Variants in GRID2 observed in about 807,000 individuals in gnomAD.
The protein encoded by GRID2 is glutamate ionotropic receptor delta type subunit 2.
In GRID2, 33 loss-of-function variants were observed where a neutral mutation model predicts 114.8. That is an observed-to-expected ratio of 0.29 (90% confidence interval 0.22 to 0.38). The LOEUF (loss-of-function observed/expected upper bound fraction) is 0.38. Ranked by LOEUF, GRID2 falls within the 10% of genes least tolerant of loss-of-function variation. The pLI is 1.00. For missense variants in GRID2, 1,184 were observed against 1,257.7 expected (o/e 0.94, Z 0.89); for synonymous variants, 505 against 449.9 (o/e 1.12, Z -1.55).
In GRID2 at chr4:93,014,483, G is replaced by T. The variant is rs552980294; in HGVS notation, c.245-70512G>T. Among the ~76,000 whole-genome samples the T allele has an allele frequency of 2.0e-4, 30 of 152,158 alleles. No homozygotes were observed. In the South Asian group the frequency reaches 2.3e-3, roughly 12 times the overall value. On this transcript the variant is annotated intron_variant, in intron 2 of 15. Transcript: ENST00000282020. ...GAACCAGGGTGGTAAATTGAGGCTG[G>T]TATATGAAGAATTATTACATAGAGA...
chr4:92,330,023 G>GAGAGAGAGAGAGAGAGAGAA (rs1726800264), intron 1 of GRID2, among the ~76,000 whole-genome samples: 1 of 150,012 alleles, frequency 6.7e-6, no homozygotes, highest in Non-Finnish European at 1.5e-5. Flanking sequence ...GAGAGAGAGA[G>GAGAGAGAGAGAGAGAGAGAA]AGAAACATGC....
intron 4 of GRID2, among the ~76,000 whole-genome samples, chr4:93,154,266 A>G (rs1736977081): frequency 6.6e-6 from 1 of 152,192 alleles, no homozygotes; most frequent in Middle Eastern, 3.4e-3. Flanking sequence ...GTTCATAAAT[A>G]TCTGCAGCTT....
At chr4:93,311,019 G>T (rs1755954151) in intron 8 of GRID2, among the ~76,000 whole-genome samples, 1 of 152,114 alleles carries the variant, frequency 6.6e-6, no homozygotes, top group Non-Finnish European at 1.5e-5. Context: ...GAACTCAGAG[G>T]GTTAGTATAA....
At chr4:93,408,862 T>C (rs554054722) in intron 9 of GRID2, among the ~76,000 whole-genome samples, 5 of 152,180 alleles carry the variant, frequency 3.3e-5, no homozygotes, top group Non-Finnish European at 5.9e-5. Context: ...CTTTTAAGTT[T>C]CCCACCGTGC....
chr4:92,444,165 C>T lies in GRID2; in HGVS notation c.88+139421C>T, dbSNP rs1322761773. On this transcript the variant is annotated intron_variant, in intron 1 of 15. Transcript: ENST00000282020. ...AACAGGAGGACAGGGGATTGATCTC[C>T]CAAGGGAGGTCCCCCGATCCGAGTC... Among the ~76,000 whole-genome samples the T allele has an allele frequency of 3.3e-5, 5 of 152,232 alleles. No individual in the cohort carries two copies. The South Asian group carries it at 6.2e-4, about 19-fold the overall frequency.
intron 6 of GRID2, among the ~76,000 whole-genome samples, chr4:93,220,718 G>C (rs17420178): frequency 0.023 from 3,505 of 152,136 alleles, 52 homozygotes; most frequent in South Asian, 0.042. Context: ...CAGAGTTTGA[G>C]GATTGTAGAA....
chr4:92,503,610 G>A (rs959985171), intron 1 of GRID2, among the ~76,000 whole-genome samples: 3 of 152,094 alleles, frequency 2.0e-5, no homozygotes, highest in African/African-American at 4.8e-5. Flanking sequence ...TCAGTTGTTT[G>A]ATTAAATGCC....
chr4:93,119,226 A>G (rs755077636), intron 4 of GRID2, among the ~76,000 whole-genome samples: 15 of 152,192 alleles, frequency 9.9e-5, no homozygotes, highest in Non-Finnish European at 1.6e-4. Flanking sequence ...ACCTGCTGTG[A>G]TATTGGCAGA....
At chr4:93,566,908 C>T (rs1735483526) in intron 13 of GRID2, among the ~76,000 whole-genome samples, 1 of 152,174 alleles carries the variant, frequency 6.6e-6, no homozygotes, top group African/African-American at 2.4e-5. Flanking sequence ...TTTATCTCAA[C>T]TTTCAAGGTT....
At chr4:92,733,651 C>G (rs1240028296) in intron 2 of GRID2, among the ~76,000 whole-genome samples, 1 of 152,120 alleles carries the variant, frequency 6.6e-6, no homozygotes, top group Non-Finnish European at 1.5e-5. Context: ...ATCTGTTCCT[C>G]TTGCTCAACA....
At position 93,779,884 on chromosome 4, in the gene GRID2, A is replaced by G. The variant is rs1191281843; in HGVS notation, c.221+10434A>G. Among the ~76,000 whole-genome samples, 6 of 152,182 alleles carry G rather than the reference A, an allele frequency of 3.9e-5. No homozygotes were observed. The East Asian group carries it at 1.2e-3, about 29-fold the overall frequency. ...CAGCAAAAGGCAAAGTGTGAGTGAG[A>G]TTGCGGGATGCCTGGAGGCTGAGCT... On this transcript the variant is annotated intron_variant, in intron 1 of 1. Coordinates refer to the GRID2 transcript ENST00000637838.
intron 2 of GRID2, among the ~76,000 whole-genome samples, chr4:92,637,355 G>C (rs1211204884): frequency 1.3e-5 from 2 of 152,032 alleles, no homozygotes; most frequent in Admixed American, 1.3e-4. Flanking sequence ...AGTATGTAGA[G>C]TAAGTTAACT....
intron 4 of GRID2, among the ~76,000 whole-genome samples, chr4:93,160,112 G>T (rs2149406531): frequency 6.6e-6 from 1 of 151,724 alleles, no homozygotes; most frequent in East Asian, 1.9e-4. Context: ...AACAATACCA[G>T]ATAAAATACA....
At chr4:92,685,249 G>A (rs1733843919) in intron 2 of GRID2, among the ~76,000 whole-genome samples, 1 of 152,052 alleles carries the variant, frequency 6.6e-6, no homozygotes, top group South Asian at 2.1e-4. Context: ...TAGCTAGAGA[G>A]GAGAGGGATT....
At chr4:93,526,521 T>G (rs543628193) in intron 13 of GRID2, among the ~76,000 whole-genome samples, 4 of 152,320 alleles carry the variant, frequency 2.6e-5, no homozygotes, top group East Asian at 1.9e-4. Context: ...CCTTCTTTAT[T>G]TAAACAGGCC....
intron 1 of GRID2, among the ~76,000 whole-genome samples, chr4:92,346,034 C>T (rs1286496928): frequency 6.6e-6 from 1 of 152,158 alleles, no homozygotes; most frequent in East Asian, 1.9e-4. Flanking sequence ...AAAGCATAAT[C>T]TGAACAAACA....
intron 2 of GRID2, among the ~76,000 whole-genome samples, chr4:92,953,859 T>C (rs1437034339): frequency 3.3e-5 from 5 of 150,328 alleles, no homozygotes; most frequent in African/African-American, 7.4e-5. Context: ...AACAAGTTTA[T>C]GTATTTCACT....
chr4:92,966,957 G>A (rs1753196216), intron 2 of GRID2, among the ~76,000 whole-genome samples: 1 of 151,840 alleles, frequency 6.6e-6, no homozygotes, highest in South Asian at 2.1e-4. Context: ...CCGTTGTCAT[G>A]ATCATTTTCG....
At chr4:92,687,761 G>A (rs1486391016) in intron 2 of GRID2, among the ~76,000 whole-genome samples, 2 of 151,812 alleles carry the variant, frequency 1.3e-5, no homozygotes, top group Admixed American at 6.6e-5. Context: ...CCCAGGAGGC[G>A]GAGCTTGCAG....
Sources: allele counts gnomAD v4.1 joint callset (sites outside exome capture counted in the v4.1 genomes callset), GRCh38; gene constraint gnomAD v4.1.1; transcripts MANE v1.5; gene names NCBI Gene and HGNC (gene_info 2026-07-23, HGNC 2026-07-21).